PTK2: variants seen among roughly 807,000 people sequenced by gnomAD.
The protein encoded by PTK2 is focal adhesion kinase 1.
A neutral mutation model predicts 150.1 loss-of-function variants in PTK2; 45 were observed. The ratio of observed to expected loss-of-function variants is 0.30; its 90% CI spans 0.24 to 0.38. The LOEUF is 0.38. Among genes scored for constraint, PTK2 ranks in the 10% least tolerant of loss-of-function variants. The pLI is 1.00. For synonymous variants in PTK2, 432 were observed against 449.2 expected, an observed-to-expected ratio of 0.96 and a Z score of 0.48; for missense variants, 919 against 1,307.3, an observed-to-expected ratio of 0.70 and a Z score of 4.58.
chr8:140,848,980 A>T (rs2100127389), intron 5 of PTK2, among the ~76,000 whole-genome samples: 3 of 152,240 alleles, frequency 2.0e-5, no homozygotes, highest in Admixed American at 2.0e-4. Context: ...TAGAAAAAAT[A>T]ATCAAATGCT....
chr8:140,661,819 CAG>C (rs1198244940), intron 31 of PTK2, among the ~76,000 whole-genome samples: 1 of 152,146 alleles, frequency 6.6e-6, no homozygotes, highest in African/African-American at 2.4e-5. Flanking sequence ...GCTGTTACAG[CAG>C]AGAGAGTTCC....
At chr8:140,896,034 G>C (rs1435213637) in intron 2 of PTK2, among the ~76,000 whole-genome samples, 2 of 151,982 alleles carry the variant, frequency 1.3e-5, no homozygotes, top group Non-Finnish European at 1.5e-5. Flanking sequence ...AATATAATAA[G>C]AGGTAAGAGA....
Position 140,764,221 on chromosome 8 carries a change from G to A in PTK2, c.1234+13C>T. 1 of 1,600,806 alleles carries A rather than the reference G, an allele frequency of 6.2e-7. No individual in the cohort carries two copies. The highest frequency in any genetic ancestry group is 1.3e-5 in the African/African-American group (1 of 74,726). On this transcript the variant is annotated intron_variant, in intron 15 of 31. Transcript: ENST00000522684. ...TCAAGTCTGAGCAAGAACAAAATCAGAAGTTTACTTACTTGAGGGCATGGT... is the reference window on the plus strand; with the variant it reads ...TCAAGTCTGAGCAAGAACAAAATCAAAAGTTTACTTACTTGAGGGCATGGT...
chr8:140,881,605 A>G (rs1307158674), intron 3 of PTK2, among the ~76,000 whole-genome samples: 1 of 152,226 alleles, frequency 6.6e-6, no homozygotes, highest in Non-Finnish European at 1.5e-5. Flanking sequence ...CATCTGCCTC[A>G]GGTCACTTGG....
chr8:140,896,789 G>C (rs28502725), intron 2 of PTK2, among the ~76,000 whole-genome samples: 1 of 11,752 alleles, frequency 8.5e-5, no homozygotes, highest in Non-Finnish European at 2.0e-4. Flanking sequence ...CCAAAAAAAC[G>C]GGGGGGGGGG....
At chr8:140,903,354 G>A (rs1282545151) in intron 2 of PTK2, among the ~76,000 whole-genome samples, 1 of 152,056 alleles carries the variant, frequency 6.6e-6, no homozygotes, top group African/African-American at 2.4e-5. Context: ...TTTGGTACCA[G>A]TACCATAATA....
chr8:140,973,876 T>C (rs2100188311), intron 1 of PTK2, among the ~76,000 whole-genome samples: 1 of 152,224 alleles, frequency 6.6e-6, no homozygotes, highest in South Asian at 2.1e-4. Context: ...TTGACTTCTA[T>C]GCCACTGCTA....
intron 19 of PTK2, 46 bp downstream of exon 22, chr8:140,744,606 A>ACT (rs1430991792): frequency 1.6e-6 from 2 of 1,270,148 alleles, no homozygotes; most frequent in Non-Finnish European, 2.2e-6. Context: ...TTTCTTGATC[A>ACT]CTACTTTTCA....
Position 140,988,032 on chromosome 8 carries a change from G to A in PTK2, c.-122+13093C>T, listed in dbSNP as rs7004215. Among the ~76,000 whole-genome samples, 867 of 140,818 alleles carry A rather than the reference G, an allele frequency of 6.2e-3. 10 individuals carry two copies. The highest frequency in any genetic ancestry group is 0.021 in the African/African-American group (827 of 38,472). The allele number at this position is 140,818 out of a possible 152,430, so 92.4% of individuals were successfully genotyped here. A position where few individuals can be genotyped will look rare whatever the true frequency, so the allele number is the denominator to read the frequency against. ...TGCACTCCAGCCTGGACAACAGAGT[G>A]AGACCCTGTCTCAAAAAAAAAAAAA... On this transcript the variant is annotated intron_variant, in intron 1 of 31. Coordinates refer to ENST00000522684, the Ensembl canonical transcript of PTK2.
chr8:140,702,740 A>G, intron 24 of PTK2, 33 bp from the exon 28 acceptor site: 1 of 1,606,238 alleles, frequency 6.2e-7, no homozygotes, highest in Non-Finnish European at 8.5e-7. Context: ...GGTAATGTTC[A>G]ACTATAACAT....
At chr8:140,770,660 G>C (rs932748398) in intron 14 of PTK2, 56 bp downstream of exon 15, 9 of 938,840 alleles carry the variant, frequency 9.6e-6, no homozygotes, top group African/African-American at 1.7e-5. Context: ...GTTAGAGTTA[G>C]TTTCTCTGGA....
intron 23 of PTK2, among the ~76,000 whole-genome samples, chr8:140,710,440 G>A (rs1486201819): frequency 2.6e-5 from 4 of 152,030 alleles, no homozygotes; most frequent in African/African-American, 4.8e-5. Context: ...AGGCCGTGGT[G>A]GGCAGATCAC....
At chr8:140,783,522 T>C (rs915536535) in intron 14 of PTK2, among the ~76,000 whole-genome samples, 6 of 152,288 alleles carry the variant, frequency 3.9e-5, no homozygotes, top group Admixed American at 3.3e-4. Context: ...TAGTCATGAA[T>C]AGGTAACAAA....
In PTK2 at chr8:140,672,462, G is replaced by A. The variant is rs549111179; in HGVS notation, c.2709+1836C>T. On this transcript the variant is annotated intron_variant, in intron 29 of 31. Coordinates refer to ENST00000522684, the Ensembl canonical transcript of PTK2. ...AGGCATCCTGGGGCTTGGAGGCCTG[G>A]TGAACTGAGGAAGTTCCTGATTCCC... Among the ~76,000 whole-genome samples, 28 of 152,328 alleles carry A rather than the reference G, an allele frequency of 1.8e-4. No homozygotes were observed. In the South Asian group the frequency reaches 5.0e-3, roughly 27 times the overall value.
intron 1 of PTK2, among the ~76,000 whole-genome samples, chr8:140,935,702 C>CTTTTT (rs34554819): frequency 4.0e-5 from 5 of 123,864 alleles, no homozygotes; most frequent in South Asian, 2.7e-4. Context: ...ATGTCCTCAT[C>CTTTTT]TTTTTTTTTT....
chr8:140,870,919 AG>A (rs1469800966), intron 4 of PTK2, among the ~76,000 whole-genome samples: 1 of 151,972 alleles, frequency 6.6e-6, no homozygotes, highest in African/African-American at 2.4e-5. Flanking sequence ...TGTTTCCCCT[AG>A]GGGACAACTG....
At chr8:140,992,648 G>A (rs1400781577) in intron 1 of PTK2, among the ~76,000 whole-genome samples, 1 of 152,144 alleles carries the variant, frequency 6.6e-6, no homozygotes, top group African/African-American at 2.4e-5. Flanking sequence ...GAACGTGTGC[G>A]TGAACAGTGT....
intron 4 of PTK2, among the ~76,000 whole-genome samples, chr8:140,873,848 C>T (rs2100143997): frequency 6.6e-6 from 1 of 152,196 alleles, no homozygotes; most frequent in Non-Finnish European, 1.5e-5. Flanking sequence ...CACTTTGCAA[C>T]TTGTTCTTGT....
chr8:140,669,687 G>T, intron 29 of PTK2, 40 bp downstream of exon 33: 1 of 1,527,448 alleles, frequency 6.5e-7, no homozygotes, highest in Non-Finnish European at 8.8e-7. Flanking sequence ...GGGTGTGATA[G>T]AGAGAGCTGG....
Sources: gnomAD v4.1 joint callset for allele counts (sites outside exome capture counted in the v4.1 genomes callset) on GRCh38, gnomAD v4.1.1 for gene constraint, MANE v1.5 for transcripts, NCBI Gene and HGNC (gene_info 2026-07-23, HGNC 2026-07-21) for gene names.